Variants in PGF observed in about 807,000 individuals in gnomAD.
The protein encoded by PGF is placenta growth factor.
In PGF, 11 loss-of-function variants were observed where a neutral mutation model predicts 25.3. The observed-to-expected ratio is 0.43, with a 90% CI of 0.27 to 0.72. The LOEUF (loss-of-function observed/expected upper bound fraction) is 0.72, where lower values mean the gene tolerates loss of function less well. PGF is among the 30% of genes least tolerant of loss of function. PGF has a pLI of 0.18. For missense variants in PGF, 230 were observed against 234.9 expected (o/e 0.98, Z 0.14); for synonymous variants, 105 against 97.9 (o/e 1.07, Z -0.43).
intron 4 of PGF, 85 bp from the exon 5 acceptor site, chr14:74,946,493 G>T: frequency 7.5e-7 from 1 of 1,327,180 alleles, no homozygotes; most frequent in Non-Finnish European, 1.0e-6. Context: ...GGTCCCCTCC[G>T]ACATCCCCAG....
In PGF at chr14:74,946,789, G is replaced by A. The variant is rs1177985339; in HGVS notation, c.393-381C>T. 5 of 722,384 alleles carry A rather than the reference G, an allele frequency of 6.9e-6. No homozygotes were observed. In the Admixed American group the frequency reaches 9.7e-5, roughly 14 times the overall value. 44.7% of individuals were successfully genotyped at this position (722,384 alleles called of 1,614,324 possible). A position where few individuals can be genotyped will look rare whatever the true frequency, so the allele number is the denominator to read the frequency against. On this transcript the variant is annotated intron_variant, in intron 4 of 6. Coordinates refer to ENST00000555567, the MANE Select transcript of PGF (RefSeq NM_002632.6). ...GGTGCATTCTGGGAATTTCCTCAGG[G>A]ACAGGAGATGATGGCCAGACAGCGG...
At chr14:74,944,218 T>A (rs1023697880) in intron 6 of PGF, among the ~76,000 whole-genome samples, 13 of 151,442 alleles carry the variant, frequency 8.6e-5, no homozygotes. Context: ...TTCTCCTGCC[T>A]CAGCCTCCCG....
intron 3 of PGF, 126 bp downstream of exon 3, chr14:74,949,231 T>C: frequency 1.4e-6 from 1 of 708,348 alleles, no homozygotes; most frequent in Non-Finnish European, 2.2e-6. Flanking sequence ...GGCCCTGGGC[T>C]GGGGTGGTAG....
chr14:74,953,975 TG>T lies in PGF; in HGVS notation c.76-30del. The T allele has an allele frequency of 6.2e-7, 1 of 1,612,302 alleles. No homozygotes were observed. Among genetic ancestry groups the T allele is most frequent in the South Asian group, 1.1e-5 (1 of 91,012 alleles). ...TGGACAGAAAAGTGCAGAGGTGAGCTGGGGGTACCTTGGAGCTCTGCACTCT... is the reference window on the plus strand; with the variant it reads ...TGGACAGAAAAGTGCAGAGGTGAGCTGGGGTACCTTGGAGCTCTGCACTCT... On this transcript the variant is annotated intron_variant, in intron 1 of 6. Transcript: ENST00000555567. This position sits in a 1 kb window ranked among gnomAD's most constrained non-coding sequence, Gnocchi z 5.4.
chr14:74,951,097 G>A (rs1888861592), intron 2 of PGF, among the ~76,000 whole-genome samples: 1 of 152,200 alleles, frequency 6.6e-6, no homozygotes, highest in African/African-American at 2.4e-5. Context: ...AATACCCAGA[G>A]GCGGTGTGTC....
chr14:74,949,960 T>A (rs1888836544), intron 2 of PGF, among the ~76,000 whole-genome samples: 1 of 152,048 alleles, frequency 6.6e-6, no homozygotes, highest in African/African-American at 2.4e-5. Flanking sequence ...GGGTTGGCCT[T>A]CCCTTATTCC....
chr14:74,944,840 G>A (rs1352755323), intron 6 of PGF: 12 of 151,886 alleles, frequency 7.9e-5, no homozygotes, highest in Non-Finnish European at 1.8e-4. Flanking sequence ...GAGGTACTGA[G>A]CCTGGCTTGA....
intron 6 of PGF, among the ~76,000 whole-genome samples, chr14:74,944,172 G>T (rs576864034): frequency 6.9e-6 from 1 of 145,474 alleles, no homozygotes; most frequent in Admixed American, 7.1e-5. Flanking sequence ...GCGTGATCTC[G>T]GCTCACTGCA....
At position 74,955,115 on chromosome 14, in the gene PGF, AGTGCTGG is replaced by A. The variant is rs1176571074; in HGVS notation, c.75+46_75+52del. 3.9e-6 allele frequency: 4 copies of A among 1,019,740 alleles called. No homozygotes were observed. The highest frequency in any genetic ancestry group is 5.4e-6 in the Non-Finnish European group (4 of 735,896). 63.2% of individuals were successfully genotyped at this position (1,019,740 alleles called of 1,614,324 possible). On this transcript the variant is annotated intron_variant, in intron 1 of 6. Coordinates refer to ENST00000555567, the MANE Select transcript of PGF (RefSeq NM_002632.6). This position sits in a 1 kb window ranked among gnomAD's most constrained non-coding sequence, Gnocchi z 4.1. ...TGTGATTTCAGAGTCCCATGCTTCCAGTGCTGGGATGGGGAGGTCTGGGGAGCCAGGC... is the reference window on the plus strand; with the variant it reads ...TGTGATTTCAGAGTCCCATGCTTCCAGATGGGGAGGTCTGGGGAGCCAGGC...
intron 6 of PGF, chr14:74,945,491 C>G (rs546577335): frequency 6.6e-6 from 1 of 152,320 alleles, no homozygotes; most frequent in East Asian, 1.9e-4. Context: ...CTCCATAGCA[C>G]GAAATGACTT....
chr14:74,944,336 TTG>T, intron 6 of PGF, among the ~76,000 whole-genome samples: 1 of 151,966 alleles, frequency 6.6e-6, no homozygotes, highest in East Asian at 1.9e-4. Flanking sequence ...TCTCCTAACC[TTG>T]CGATCCGCCC....
Position 74,955,295 on chromosome 14 carries a change from C to T in PGF, c.-53G>A. The T allele has an allele frequency of 8.4e-7, 1 of 1,186,920 alleles. No individual in the cohort carries two copies. The highest frequency in any genetic ancestry group is 1.9e-5 in the South Asian group (1 of 52,998). 73.5% of individuals were successfully genotyped at this position (1,186,920 alleles called of 1,614,324 possible). A position where few individuals can be genotyped will look rare whatever the true frequency, so the allele number is the denominator to read the frequency against. The stretch of plus-strand genomic sequence containing the variant: ...TCCGAGGGAAAACCACCATGCTCAT[C>T]CCCCGGGGAGCCCCTGGCACAGGAG... On this transcript the variant is annotated 5_prime_UTR_variant, in exon 1 of 7. Coordinates refer to ENST00000555567, the MANE Select transcript of PGF (RefSeq NM_002632.6). The surrounding 1 kb of genome is among the most constrained non-coding windows in gnomAD (Gnocchi z 4.1).
At chr14:74,946,892 G>A (rs1453124657) in intron 4 of PGF, 1 of 759,620 alleles carries the variant, frequency 1.3e-6, no homozygotes, top group Non-Finnish European at 2.4e-6. Context: ...GAGGAAGGAG[G>A]GAGCATCAGC....
At chr14:74,951,902 T>G (rs1206870672) in intron 2 of PGF, among the ~76,000 whole-genome samples, 1 of 152,122 alleles carries the variant, frequency 6.6e-6, no homozygotes, top group African/African-American at 2.4e-5. Flanking sequence ...GGGGCCGGGC[T>G]GAGGGAGTAC....
At chr14:74,947,143 ACTGT>A (rs901754003) in intron 4 of PGF, 1 of 462,940 alleles carries the variant, frequency 2.2e-6, no homozygotes, top group Non-Finnish European at 3.8e-6. Context: ...GCCTCTTGGG[ACTGT>A]CTGGTTGTAC....
In PGF at chr14:74,953,274, G is replaced by C. The variant is rs1888912992; in HGVS notation, c.118+630C>G. Among the ~76,000 whole-genome samples the C allele has an allele frequency of 6.6e-6, 1 of 152,242 alleles. No homozygotes were observed. Among genetic ancestry groups the C allele is most frequent in the East Asian group, 1.9e-4 (1 of 5,192 alleles). On this transcript the variant is annotated intron_variant, in intron 2 of 6. Transcript: ENST00000555567. This position sits in a 1 kb window ranked among gnomAD's most constrained non-coding sequence, Gnocchi z 5.4. ...GTGTGGCCACTTTGCACGTCTTGGAGAGGCAGGGAGGGAGGAGCGAGGTAG... is the reference window on the plus strand; with the variant it reads ...GTGTGGCCACTTTGCACGTCTTGGACAGGCAGGGAGGGAGGAGCGAGGTAG...
At chr14:74,942,954 C>A (rs772933943) in intron 6 of PGF, among the ~76,000 whole-genome samples, 1 of 152,218 alleles carries the variant, frequency 6.6e-6, no homozygotes, top group African/African-American at 2.4e-5. Context: ...CAAGCACTGT[C>A]TTCTTAACCC....
rs544353590 is a variant in PGF, at chr14:74,946,473, C to T, written c.393-65G>A. The T allele has an allele frequency of 1.3e-4, 196 of 1,506,280 alleles. 1 individual carries two copies. In the South Asian group the frequency reaches 1.9e-3, roughly 14 times the overall value. The allele number at this position is 1,506,280 out of a possible 1,614,324, so 93.3% of individuals were successfully genotyped here. ...GAAAGCAATAAGTGGGGCTCCCTGC[C>T]GCCCGGACAGGTCCCCTCCGACATC... On this transcript the variant is annotated intron_variant, in intron 4 of 6. Transcript: ENST00000555567.
intron 3 of PGF, among the ~76,000 whole-genome samples, chr14:74,949,147 C>T (rs190611459): frequency 1.7e-4 from 26 of 152,320 alleles, no homozygotes; most frequent in Non-Finnish European, 3.2e-4. Context: ...GGATAGGACT[C>T]AGCGTGAGGC....
Sources: allele counts gnomAD v4.1 joint callset (sites outside exome capture counted in the v4.1 genomes callset), GRCh38; gene constraint gnomAD v4.1.1; non-coding constraint Gnocchi (gnomAD v3.1); transcripts MANE v1.5; gene names NCBI Gene and HGNC (gene_info 2026-07-23, HGNC 2026-07-21).